TIAM2: variants seen among roughly 807,000 people sequenced by gnomAD.
The protein encoded by TIAM2 is rho guanine nucleotide exchange factor TIAM2.
Under a neutral mutation model 152.9 loss-of-function variants are expected in TIAM2, and 80 were observed. That is an observed-to-expected ratio of 0.52 (90% CI 0.44 to 0.63). TIAM2 has a LOEUF of 0.63. Ranked by LOEUF, TIAM2 falls within the 30% of genes least tolerant of loss-of-function variation. TIAM2 has a pLI of 0.00. For missense variants in TIAM2, 1,965 were observed against 2,120.1 expected (o/e 0.93, Z 1.44); for synonymous variants, 804 against 838.0 (o/e 0.96, Z 0.70).
In TIAM2 at chr6:155,256,842, G is replaced by T; in HGVS notation, c.4827G>T (p.Gln1609His). ...EDPDVHPEAEQQPGPESGEGQ... is the reference protein window; with the variant it reads ...EDPDVHPEAEHQPGPESGEGQ... ...CAGACGTTCACCCCGAGGCTGAGCAGCAGCCTGGCCCGGAGTCGGGTGAGG... is the reference window on the plus strand; with the variant it reads ...CAGACGTTCACCCCGAGGCTGAGCATCAGCCTGGCCCGGAGTCGGGTGAGG... Residue 1609 changes from glutamine to histidine, a missense_variant, in exon 27 of 27, where the codon CAG becomes CAT. By Grantham distance (24) the Gln-to-His change is conservative. Coordinates refer to ENST00000682666, the MANE Select transcript of TIAM2 (RefSeq NM_012454.4). The T allele has an allele frequency of 6.2e-7, 1 of 1,614,246 alleles. No individual in the cohort carries two copies. Among genetic ancestry groups the T allele is most frequent in the Non-Finnish European group, 8.5e-7 (1 of 1,180,038 alleles).
intron 18 of TIAM2, among the ~76,000 whole-genome samples, chr6:155,245,067 A>G (rs1399823502): frequency 6.6e-6 from 1 of 152,188 alleles, no homozygotes; most frequent in Non-Finnish European, 1.5e-5. Flanking sequence ...TGTGAAGGAT[A>G]TCCAAGGTGG....
chr6:155,229,675 A>G (rs1782379634), intron 15 of TIAM2, among the ~76,000 whole-genome samples: 1 of 152,246 alleles, frequency 6.6e-6, no homozygotes, highest in Admixed American at 6.5e-5. Flanking sequence ...TTACAGTGGG[A>G]TTGTGAAAGG....
intron 15 of TIAM2, among the ~76,000 whole-genome samples, chr6:155,230,080 C>A (rs544733774): frequency 6.6e-6 from 1 of 152,026 alleles, no homozygotes; most frequent in African/African-American, 2.4e-5. Flanking sequence ...CCTGTACCAC[C>A]GAGAGTACAA....
chr6:155,185,111 G>C (rs370305633), intron 14 of TIAM2, among the ~76,000 whole-genome samples: 212 of 148,662 alleles, frequency 1.4e-3, no homozygotes, highest in African/African-American at 5.1e-3. Context: ...GTAGAGAAAG[G>C]GGCAAATTTA....
chr6:155,047,677 AGAGAGAGAGAGGAGAGAGAGAGAGAGAGC>A lies in TIAM2; in HGVS notation c.-208-42600_-208-42572del, dbSNP rs1266321936. Among the ~76,000 whole-genome samples the A allele has an allele frequency of 1.1e-3, 56 of 51,568 alleles. 3 individuals carry two copies. The highest frequency in any genetic ancestry group is 2.7e-3 in the African/African-American group (44 of 16,238). The allele number at this position is 51,568 out of a possible 152,430, so 33.8% of individuals were successfully genotyped here. On this transcript the variant is annotated intron_variant, in intron 1 of 26. Transcript: ENST00000682666. ...AGAGAGAGAGAGAGAGGAGAGAGAG[AGAGAGAGAGAGGAGAGAGAGAGAGAGAGC>A]GAGAGAGAGAGAGAGAGAGCGAGAG...
intron 2 of TIAM2, among the ~76,000 whole-genome samples, chr6:155,105,921 C>T (rs1778675744): frequency 6.6e-6 from 1 of 151,988 alleles, no homozygotes; most frequent in Admixed American, 6.6e-5. Flanking sequence ...TCCTATTCAT[C>T]ATCCCGCCTC....
intron 6 of TIAM2, among the ~76,000 whole-genome samples, chr6:155,146,439 T>G (rs2115062491): frequency 6.6e-6 from 1 of 152,276 alleles, no homozygotes; most frequent in South Asian, 2.1e-4. Context: ...AGAGGCCACT[T>G]GAGGTTTGAC....
chr6:155,018,758 T>TCCCCTCCCCG (rs1776399133), intron 1 of TIAM2, among the ~76,000 whole-genome samples: 1 of 15,650 alleles, frequency 6.4e-5, no homozygotes, highest in Non-Finnish European at 1.2e-4. Flanking sequence ...TCCCCTCCCC[T>TCCCCTCCCCG]CCCCTTCCCT....
Position 155,144,796 on chromosome 6 carries a change from T to C in TIAM2, c.1803+18T>C, listed in dbSNP as rs1380268486. ...TTTTCCAGGTACTGCTGGTACTTTG[T>C]AAGTGGAGGTAATAGCTTATGTACT... On this transcript the variant is annotated intron_variant, in intron 6 of 26. Transcript: ENST00000682666. 2.5e-6 allele frequency: 4 copies of C among 1,596,348 alleles called. No individual in the cohort carries two copies. Among genetic ancestry groups the C allele is most frequent in the Non-Finnish European group, 1.7e-6 (2 of 1,174,532 alleles).
Position 155,130,088 on chromosome 6 carries a change from C to T in TIAM2, c.865C>T (p.Pro289Ser). 6.2e-7 allele frequency: 1 copy of T among 1,614,108 alleles called. No individual in the cohort carries two copies. The highest frequency in any genetic ancestry group is 8.5e-7 in the Non-Finnish European group (1 of 1,180,028). Residue 289 changes from proline to serine, a missense_variant, in exon 4 of 27, where the codon CCT becomes TCT. Pro to Ser is a moderately conservative substitution (Grantham distance 74). Coordinates refer to ENST00000682666, the MANE Select transcript of TIAM2 (RefSeq NM_012454.4). The stretch of plus-strand genomic sequence containing the variant: ...CTTCCCACCTGGCGATGCCAAAAAG[C>T]CTTTCAACCAAAGCTCTTCCCTCTC... ...ASFPPGDAKK[P>S]FNQSSSLSSL...
At chr6:155,240,480 C>T (rs753687649) in intron 15 of TIAM2, 50 bp from the exon 16 acceptor site, 23 of 1,550,032 alleles carry the variant, frequency 1.5e-5, no homozygotes, top group Non-Finnish European at 1.8e-5. Context: ...GCAGCGGATA[C>T]TATCAGGGAG....
intron 1 of TIAM2, among the ~76,000 whole-genome samples, chr6:155,082,342 C>A (rs1198227186): frequency 6.6e-6 from 1 of 151,586 alleles, no homozygotes; most frequent in African/African-American, 2.4e-5. Flanking sequence ...GACCCTGTCT[C>A]TAAAAACTAG....
intron 13 of TIAM2, 100 bp from the exon 14 acceptor site, chr6:155,183,133 GTCCC>G: frequency 7.0e-7 from 1 of 1,420,832 alleles, no homozygotes; most frequent in Non-Finnish European, 9.5e-7. Flanking sequence ...AAACAAAACA[GTCCC>G]TACGAGTACA....
chr6:155,115,009 G>A (rs1778977237), intron 2 of TIAM2, among the ~76,000 whole-genome samples: 1 of 151,780 alleles, frequency 6.6e-6, no homozygotes, highest in South Asian at 2.1e-4. Flanking sequence ...TGTATCTTTG[G>A]TAGAGATGGG....
intron 19 of TIAM2, among the ~76,000 whole-genome samples, chr6:155,246,771 G>T (rs758391665): frequency 1.2e-4 from 19 of 152,240 alleles, no homozygotes; most frequent in Non-Finnish European, 2.4e-4. Flanking sequence ...TCATAAAGAA[G>T]AGGGGTCCTG....
chr6:155,141,967 C>T (rs1020460609), intron 5 of TIAM2, among the ~76,000 whole-genome samples: 3 of 152,212 alleles, frequency 2.0e-5, no homozygotes, highest in Non-Finnish European at 2.9e-5. Context: ...ATAGCAAGAA[C>T]GTCCAGTGTC....
At chr6:155,124,314 C>T (rs1416468165) in intron 2 of TIAM2, among the ~76,000 whole-genome samples, 2 of 151,974 alleles carry the variant, frequency 1.3e-5, no homozygotes, top group East Asian at 3.9e-4. Context: ...AGCCACCATG[C>T]CCAGCCAGGT....
At chr6:155,020,344 C>G (rs555567879) in intron 1 of TIAM2, among the ~76,000 whole-genome samples, 1 of 152,254 alleles carries the variant, frequency 6.6e-6, no homozygotes, top group East Asian at 1.9e-4. Flanking sequence ...AGATTTTTTT[C>G]CCCAAAACTA....
At chr6:155,226,309 A>G in intron 15 of TIAM2, among the ~76,000 whole-genome samples, 1 of 152,244 alleles carries the variant, frequency 6.6e-6, no homozygotes, top group Non-Finnish European at 1.5e-5. Context: ...AAGGCTGCTC[A>G]GCCTCAGTAG....
Sources: gnomAD v4.1 joint callset for allele counts (sites outside exome capture counted in the v4.1 genomes callset) on GRCh38, gnomAD v4.1.1 for gene constraint, MANE v1.5 for transcripts, NCBI Gene and HGNC (gene_info 2026-07-23, HGNC 2026-07-21) for gene names.